The following RIF1 variants were observed in gnomAD, a reference collection of about 807,000 sequenced individuals.
RIF1 encodes the protein replication timing regulatory factor 1.
A neutral mutation model predicts 247.1 loss-of-function variants in RIF1; 45 were observed. The ratio of observed to expected loss-of-function variants is 0.18; its 90% CI spans 0.14 to 0.23. The LOEUF (loss-of-function observed/expected upper bound fraction) is 0.23, where lower values mean the gene tolerates loss of function less well. RIF1 is among the 10% of genes least tolerant of loss of function. The pLI, the probability that RIF1 is intolerant of heterozygous loss-of-function variation, is 1.00. For missense variants in RIF1, 2,967 were observed against 2,862.5 expected, an observed-to-expected ratio of 1.04 and a Z score of -0.83; for synonymous variants, 1,087 against 978.8, an observed-to-expected ratio of 1.11 and a Z score of -2.06.
rs199663670 is a variant in RIF1 at position 151,464,462 on chromosome 2, A to C, written c.4942A>C (p.Asn1648His). ...GTTGCAAGTTCCTGATGATTTACCA[A>C]ATGTGTGTGAGGAAAAAAATGAAAC... ...DLLQVPDDLPNVCEEKNETSK... is the reference protein window; with the variant it reads ...DLLQVPDDLPHVCEEKNETSK... The change falls in exon 30 of 36, where the codon AAT becomes CAT. Residue 1648 changes from asparagine to histidine, a missense_variant. Transcript: ENST00000444746. The C allele has an allele frequency of 6.2e-7, 1 of 1,613,690 alleles. No individual in the cohort carries two copies. Among genetic ancestry groups the C allele is most frequent in the South Asian group, 1.1e-5 (1 of 90,884 alleles).
chr2:151,534,194 C>T, the RIF1 span: 18 of 1,593,506 alleles, frequency 1.1e-5, no homozygotes, highest in Non-Finnish European at 1.0e-5. Context: ...CCTGGGCCAC[C>T]GGCCAGCCCC....
At chr2:151,456,923 A>G (rs769308060) in intron 23 of RIF1, among the ~76,000 whole-genome samples, 2 of 152,010 alleles carry the variant, frequency 1.3e-5, no homozygotes, top group Non-Finnish European at 2.9e-5. Context: ...TAGTAGAGAC[A>G]GGGTTTCACC....
At chr2:151,519,683 T>G in the RIF1 span, 1 of 1,612,064 alleles carries the variant, frequency 6.2e-7, no homozygotes, top group Non-Finnish European at 8.5e-7. Context: ...ATTAGCATCT[T>G]TCATGACTTT....
At chr2:151,454,214 GGATT>G (rs1558995674) in intron 21 of RIF1, among the ~76,000 whole-genome samples, 1 of 152,148 alleles carries the variant, frequency 6.6e-6, no homozygotes, top group African/African-American at 2.4e-5. Flanking sequence ...TTAAAAGAAT[GGATT>G]GATTGAGAGA....
chr2:151,428,639 T>C, intron 8 of RIF1, 145 bp from the exon 9 acceptor site: 2 of 660,654 alleles, frequency 3.0e-6, no homozygotes, highest in East Asian at 2.7e-5. Flanking sequence ...CATCTCTTTA[T>C]GTTTTGTGAA....
At chr2:151,471,867 G>A (rs1446359841) in intron 34 of RIF1, among the ~76,000 whole-genome samples, 2 of 151,882 alleles carry the variant, frequency 1.3e-5, no homozygotes, top group African/African-American at 4.8e-5. Context: ...TTTTTTCGTT[G>A]CATATGAACT....
chr2:151,443,374 G>A (rs780823911), intron 17 of RIF1, 45 bp downstream of exon 17: 38 of 1,379,890 alleles, frequency 2.8e-5, no homozygotes, highest in Non-Finnish European at 3.7e-5. Context: ...GAAAGGTTAT[G>A]TAATGAATGA....
At chr2:151,444,992 C>T (rs887440084) in intron 18 of RIF1, among the ~76,000 whole-genome samples, 3 of 152,136 alleles carry the variant, frequency 2.0e-5, no homozygotes, top group Non-Finnish European at 2.9e-5. Context: ...CTGGTGGTTG[C>T]TGGCAATCCT....
intron 34 of RIF1, 35 bp from the exon 35 acceptor site, chr2:151,473,929 G>T (rs1336050970): frequency 7.7e-6 from 8 of 1,036,740 alleles, no homozygotes; most frequent in Non-Finnish European, 1.2e-5. Flanking sequence ...TGTTGTTGTT[G>T]TTTTGCGTTT....
chr2:151,417,005 A>G, intron 6 of RIF1, 104 bp downstream of exon 6: 1 of 802,884 alleles, frequency 1.2e-6, no homozygotes, highest in Non-Finnish European at 2.0e-6. Flanking sequence ...AAAAGGGGGG[A>G]ATGTCATTTA....
intron 20 of RIF1, among the ~76,000 whole-genome samples, chr2:151,448,606 C>T (rs1426408161): frequency 1.3e-5 from 2 of 152,198 alleles, no homozygotes; most frequent in Non-Finnish European, 2.9e-5. Flanking sequence ...ATCTGAGCTC[C>T]TTACACTACC....
chr2:151,467,103 C>T (rs1244264519), intron 30 of RIF1, among the ~76,000 whole-genome samples: 5 of 151,966 alleles, frequency 3.3e-5, no homozygotes, highest in African/African-American at 7.2e-5. Flanking sequence ...GTGGCGCACA[C>T]CTGTAGTTAC....
the RIF1 span, chr2:151,519,747 C>A: frequency 1.2e-6 from 2 of 1,611,356 alleles, no homozygotes; most frequent in African/African-American, 1.3e-5. Flanking sequence ...TTTTCTTTAT[C>A]GAAATTTTCT....
the RIF1 span, among the ~76,000 whole-genome samples, chr2:151,522,362 C>A: frequency 5.3e-5 from 8 of 152,108 alleles, no homozygotes; most frequent in South Asian, 1.2e-3. Flanking sequence ...TATTAAAAAT[C>A]AAAAATGGCA....
intron 4 of RIF1, among the ~76,000 whole-genome samples, chr2:151,415,405 A>G (rs1687023287): frequency 6.6e-6 from 1 of 150,892 alleles, no homozygotes; most frequent in African/African-American, 2.4e-5. Flanking sequence ...CTTCGATACT[A>G]CAAAATTTGC....
chr2:151,509,613 G>GT (rs112997385), downstream of RIF1, among the ~76,000 whole-genome samples: 134 of 148,748 alleles, frequency 9.0e-4, 2 homozygotes, highest in African/African-American at 1.6e-3. Context: ...AGGAAGAGAG[G>GT]TTTTTTTTTT....
At chr2:151,451,192 C>T (rs56898485) in intron 20 of RIF1, among the ~76,000 whole-genome samples, 39,215 of 152,084 alleles carry the variant, frequency 0.26, 5,613 homozygotes, top group Admixed American at 0.38. Flanking sequence ...CTAAGCAGAA[C>T]GTTATAATAC....
the RIF1 span, chr2:151,519,736 CT>C: frequency 6.2e-7 from 1 of 1,612,696 alleles, no homozygotes. Flanking sequence ...GTGTCTTGCC[CT>C]TTTCTTTATC....
chr2:151,456,779 C>T (rs1456489917), intron 23 of RIF1, among the ~76,000 whole-genome samples, 159 bp downstream of exon 23: 1 of 152,180 alleles, frequency 6.6e-6, no homozygotes, highest in African/African-American at 2.4e-5. Flanking sequence ...GTCACCCAAG[C>T]TGGAGTGCAG....
Sources: gnomAD v4.1 joint callset for allele counts (sites outside exome capture counted in the v4.1 genomes callset) on GRCh38, gnomAD v4.1.1 for gene constraint, MANE v1.5 for transcripts, NCBI Gene and HGNC (gene_info 2026-07-23, HGNC 2026-07-21) for gene names.